ZFHX3: variants seen among roughly 807,000 people sequenced by gnomAD.
The protein encoded by ZFHX3 is zinc finger homeobox 3, also known as zinc finger homeobox protein 3.
A neutral mutation model predicts 279.1 loss-of-function variants in ZFHX3; 42 were observed. The ratio of observed to expected loss-of-function variants is 0.15; its 90% CI spans 0.12 to 0.19. The LOEUF is 0.19. Among genes scored for constraint, ZFHX3 ranks in the 10% least tolerant of loss-of-function variants. The probability of loss-of-function intolerance (pLI) is 1.00; values close to 1 mark genes in which losing one functional copy is unlikely to be tolerated. For synonymous variants in ZFHX3, 2,293 were observed against 1,957.8 expected, an observed-to-expected ratio of 1.17 and a Z score of -4.52; for missense variants, 4,981 against 4,754.0, an observed-to-expected ratio of 1.05 and a Z score of -1.40.
chr16:73,442,775 C>T (rs1254328897), intron 3 of ZFHX3, among the ~76,000 whole-genome samples: 1 of 152,090 alleles, frequency 6.6e-6, no homozygotes, highest in African/African-American at 2.4e-5. Flanking sequence ...GCGCAGGATC[C>T]AGGCATAAGG....
intron 2 of ZFHX3, among the ~76,000 whole-genome samples, chr16:73,463,423 T>A (rs771035641): frequency 6.6e-6 from 1 of 152,184 alleles, no homozygotes; most frequent in South Asian, 2.1e-4. Context: ...TGACCTCTAA[T>A]TTCTCTCAGA....
At chr16:73,691,267 C>G (rs1213488725) in intron 1 of ZFHX3, among the ~76,000 whole-genome samples, 1 of 152,028 alleles carries the variant, frequency 6.6e-6, no homozygotes, top group Non-Finnish European at 1.5e-5. Flanking sequence ...ATCAGCAAAC[C>G]TCCAGAAGCC....
rs559700083 is a variant in ZFHX3, at chr16:73,009,727, A to C, written c.-50+38025T>G. On this transcript the variant is annotated intron_variant, in intron 1 of 9. Coordinates refer to ENST00000268489, the MANE Select transcript of ZFHX3 (RefSeq NM_006885.4). ...TTGTACTTTACTTGACCATTTAAGA[A>C]ACTCACAAAGGGGCCAGTCATGGTG... Among the ~76,000 whole-genome samples the C allele has an allele frequency of 3.7e-4, 56 of 152,234 alleles. No homozygotes were observed. In the South Asian group the frequency reaches 0.011, roughly 30 times the overall value.
chr16:73,755,219 C>A (rs1373628021), intron 1 of ZFHX3, among the ~76,000 whole-genome samples: 1 of 152,160 alleles, frequency 6.6e-6, no homozygotes, highest in Non-Finnish European at 1.5e-5. Flanking sequence ...CCTTTGTTAT[C>A]TCCTGAGATT....
At chr16:73,290,397 G>A (rs1256327686) in intron 4 of ZFHX3, among the ~76,000 whole-genome samples, 1 of 152,206 alleles carries the variant, frequency 6.6e-6, no homozygotes, top group Non-Finnish European at 1.5e-5. Context: ...TGAAGCAGGT[G>A]AAAAGGTGTT....
In ZFHX3 at chr16:72,787,747, C is replaced by T. The variant is rs773899622; in HGVS notation, c.10529G>A (p.Gly3510Asp). Residue 3510 changes from glycine (G) to aspartate (D), a missense_variant, in exon 10 of 10, where the codon GGC (glycine) becomes GAC (aspartate). Physicochemically the swap from Gly to Asp is moderately conservative, Grantham distance 94. Transcript: ENST00000268489. ...MVLHVPTGGGGGGSGGGGGGG... is the reference protein window; with the variant it reads ...MVLHVPTGGGDGGSGGGGGGG... Reference sequence around the variant, plus strand: ...GCCGCCGCCGCCGCCACTGCCACCGCCGCCGCCGCCGGTGGGGACGTGAAG... The same window carrying T: ...GCCGCCGCCGCCGCCACTGCCACCGTCGCCGCCGCCGGTGGGGACGTGAAG... 6 of 1,416,088 alleles carry T rather than the reference C, an allele frequency of 4.2e-6. No individual in the cohort carries two copies. In the South Asian group the frequency reaches 9.9e-5, roughly 23 times the overall value. The allele number at this position is 1,416,088 out of a possible 1,614,324, so 87.7% of individuals were successfully genotyped here.
chr16:72,963,930 C>A (rs531636318), intron 1 of ZFHX3, among the ~76,000 whole-genome samples: 1 of 152,244 alleles, frequency 6.6e-6, no homozygotes, highest in East Asian at 1.9e-4. Flanking sequence ...AAGAGGCTGT[C>A]TGGTAGGAAA....
chr16:73,817,170 T>C (rs1444216756), intron 1 of ZFHX3, among the ~76,000 whole-genome samples: 2 of 152,182 alleles, frequency 1.3e-5, no homozygotes, highest in Admixed American at 6.5e-5. Context: ...CCACGTGCAT[T>C]AGTGCATACG....
At chr16:73,855,892 C>T (rs960674281) in intron 1 of ZFHX3, among the ~76,000 whole-genome samples, 4 of 152,086 alleles carry the variant, frequency 2.6e-5, no homozygotes, top group Non-Finnish European at 4.4e-5. Context: ...AACTGTCTTA[C>T]GAGATCTATG....
intron 4 of ZFHX3, among the ~76,000 whole-genome samples, chr16:73,300,265 A>T (rs1187679578): frequency 1.4e-4 from 3 of 21,488 alleles, no homozygotes; most frequent in Admixed American, 2.5e-4. Flanking sequence ...TCTGTCTCTT[A>T]AAAAAAAAAA....
At chr16:73,604,415 C>T (rs2052156361) in intron 2 of ZFHX3, among the ~76,000 whole-genome samples, 2 of 152,140 alleles carry the variant, frequency 1.3e-5, no homozygotes, top group African/African-American at 4.8e-5. Flanking sequence ...TAGGTCAACT[C>T]ATCAGATACG....
At chr16:73,189,710 A>C (rs1228933280) in intron 5 of ZFHX3, among the ~76,000 whole-genome samples, 2 of 152,152 alleles carry the variant, frequency 1.3e-5, no homozygotes, top group African/African-American at 4.8e-5. Flanking sequence ...GCAAATGGGG[A>C]AGGAGTTGTC....
At chr16:73,008,572 T>C (rs139630537) in intron 1 of ZFHX3, among the ~76,000 whole-genome samples, 189 of 152,320 alleles carry the variant, frequency 1.2e-3, no homozygotes, top group African/African-American at 4.2e-3. Context: ...CACTGAGAGA[T>C]CTGAGTGTAA....
chr16:73,460,691 A>C (rs2143579498), intron 2 of ZFHX3, among the ~76,000 whole-genome samples: 1 of 152,272 alleles, frequency 6.6e-6, no homozygotes, highest in South Asian at 2.1e-4. Flanking sequence ...CCAATGTTGG[A>C]GGTGGGGCCT....
intron 1 of ZFHX3, among the ~76,000 whole-genome samples, chr16:73,858,306 G>A (rs2039034232): frequency 6.6e-6 from 1 of 152,104 alleles, no homozygotes; most frequent in African/African-American, 2.4e-5. Context: ...CCATGTCAAA[G>A]AACCCCTGGG....
chr16:73,403,918 G>A (rs375037347), intron 3 of ZFHX3, among the ~76,000 whole-genome samples: 9 of 152,150 alleles, frequency 5.9e-5, no homozygotes, highest in African/African-American at 1.7e-4. Context: ...TTGGAGTCAC[G>A]GATGCTCTGT....
At chr16:73,871,153 C>G (rs535352578) in intron 1 of ZFHX3, among the ~76,000 whole-genome samples, 7 of 152,252 alleles carry the variant, frequency 4.6e-5, no homozygotes, top group East Asian at 1.9e-4. Flanking sequence ...CTTAGGGGGT[C>G]AAGGTTGGCA....
intron 3 of ZFHX3, among the ~76,000 whole-genome samples, chr16:73,338,122 A>G (rs1271179988): frequency 1.3e-5 from 2 of 152,206 alleles, no homozygotes; most frequent in African/African-American, 2.4e-5. Flanking sequence ...GCAGATGAGC[A>G]TCAGAACGTG....
intron 5 of ZFHX3, among the ~76,000 whole-genome samples, chr16:73,165,056 A>G (rs1967327211): frequency 6.6e-6 from 1 of 152,248 alleles, no homozygotes. Context: ...AAAAGATGCT[A>G]TGCATAAACT....
Sources: gnomAD v4.1 joint callset for allele counts (sites outside exome capture counted in the v4.1 genomes callset) on GRCh38, gnomAD v4.1.1 for gene constraint, MANE v1.5 for transcripts, NCBI Gene and HGNC (gene_info 2026-07-23, HGNC 2026-07-21) for gene names.